Variants in RBM20 observed in about 807,000 individuals in gnomAD.
RBM20 encodes the protein RNA-binding protein 20.
In RBM20, 51 loss-of-function variants were observed where a neutral mutation model predicts 110.1. The ratio of observed to expected loss-of-function variants is 0.46; its 90% CI spans 0.37 to 0.59. RBM20 has a LOEUF of 0.59. RBM20 is among the 20% of genes least tolerant of loss of function. The probability of loss-of-function intolerance (pLI) is 0.00; values close to 1 mark genes in which losing one functional copy is unlikely to be tolerated. For synonymous variants in RBM20, 589 were observed against 618.2 expected (o/e 0.95, Z 0.70); for missense variants, 1,512 against 1,574.9 (o/e 0.96, Z 0.68).
chr10:110,789,060 A>G (rs909183553), intron 5 of RBM20, among the ~76,000 whole-genome samples: 4 of 152,210 alleles, frequency 2.6e-5, no homozygotes, highest in African/African-American at 9.6e-5. Context: ...AGCACTTTGT[A>G]TGTCTGATTC....
intron 1 of RBM20, among the ~76,000 whole-genome samples, chr10:110,714,407 T>C (rs1460682926): frequency 2.0e-5 from 3 of 152,172 alleles, no homozygotes; most frequent in African/African-American, 7.2e-5. Context: ...TCTGCAGTGG[T>C]TGTAGTCATA....
At chr10:110,674,013 T>A (rs181936553) in intron 1 of RBM20, among the ~76,000 whole-genome samples, 15 of 152,336 alleles carry the variant, frequency 9.8e-5, no homozygotes, top group African/African-American at 2.9e-4. Flanking sequence ...AAGGCCAGAC[T>A]TGAGGATATT....
chr10:110,765,368 T>C (rs1844066225), intron 1 of RBM20, among the ~76,000 whole-genome samples: 1 of 151,976 alleles, frequency 6.6e-6, no homozygotes, highest in African/African-American at 2.4e-5. Flanking sequence ...GGGAGTGCCG[T>C]GTTAAAATTC....
chr10:110,689,010 T>C (rs1339333330), intron 1 of RBM20, among the ~76,000 whole-genome samples: 1 of 152,194 alleles, frequency 6.6e-6, no homozygotes, highest in African/African-American at 2.4e-5. Context: ...TTTGTTTGTT[T>C]GCATGTATTT....
At chr10:110,800,342 G>A (rs1035452019) in intron 7 of RBM20, among the ~76,000 whole-genome samples, 8 of 152,140 alleles carry the variant, frequency 5.3e-5, no homozygotes, top group African/African-American at 1.9e-4. Context: ...TACGTCTTAA[G>A]CCTCATAGAA....
intron 13 of RBM20, chr10:110,835,341 T>A (rs1274074341): frequency 6.7e-4 from 3 of 4,460 alleles, no homozygotes; most frequent in Non-Finnish European, 1.7e-3. Context: ...TTTTTTTTCT[T>A]TTTTTTTTTT....
chr10:110,687,709 A>G (rs1301428803), intron 1 of RBM20, among the ~76,000 whole-genome samples: 2 of 152,206 alleles, frequency 1.3e-5, no homozygotes, highest in African/African-American at 2.4e-5. Context: ...TCACTTGACC[A>G]TTGTCCACCT....
intron 1 of RBM20, among the ~76,000 whole-genome samples, chr10:110,768,910 C>A (rs1379679422): frequency 2.0e-5 from 3 of 151,158 alleles, no homozygotes; most frequent in Admixed American, 1.3e-4. Flanking sequence ...GTGTTTGACC[C>A]TTTGTGGACT....
chr10:110,795,541 C>T (rs80282475), intron 5 of RBM20, among the ~76,000 whole-genome samples: 3,326 of 152,276 alleles, frequency 0.022, 121 homozygotes, highest in African/African-American at 0.075. Flanking sequence ...GAGGGCTTTT[C>T]ATGGTAGAAT....
rs1309444790 is a variant in RBM20 at position 110,755,190 on chromosome 10, T to C, written c.192-25611T>C. On this transcript the variant is annotated intron_variant, in intron 1 of 13. Coordinates refer to ENST00000369519, the MANE Select transcript of RBM20 (RefSeq NM_001134363.3). Reference sequence around the variant, plus strand: ...GAAGTGACATATTACTCCTGGTTCATCCTAATCCTGAGGGTGTGGCCCTTT... The same window carrying C: ...GAAGTGACATATTACTCCTGGTTCACCCTAATCCTGAGGGTGTGGCCCTTT... Among the ~76,000 whole-genome samples, 5 of 152,178 alleles carry C rather than the reference T, an allele frequency of 3.3e-5. No individual in the cohort carries two copies. The South Asian group carries it at 6.2e-4, about 19-fold the overall frequency.
intron 12 of RBM20, among the ~76,000 whole-genome samples, chr10:110,824,310 G>C (rs1198633802): frequency 6.6e-6 from 1 of 152,148 alleles, no homozygotes; most frequent in Non-Finnish European, 1.5e-5. Context: ...GTCTGCTATT[G>C]TTCATTGCTC....
intron 9 of RBM20, among the ~76,000 whole-genome samples, chr10:110,818,477 C>T (rs1400461120): frequency 4.5e-5 from 1 of 22,062 alleles, no homozygotes; most frequent in Non-Finnish European, 4.1e-4. Context: ...CTGCTTGCAA[C>T]AGTTGGCGTT....
Position 110,838,506 on chromosome 10 carries a change from C to A in RBM20, c.*2528C>A, listed in dbSNP as rs886046720. ...GGAATTGTGGGGGCAGTTCTTTGGC[C>A]TTCTTGCTGAACTTTGCTGGAAATA... On this transcript the variant is annotated 3_prime_UTR_variant, in exon 14 of 14. Transcript: ENST00000369519. 4.6e-5 allele frequency: 7 copies of A among 152,168 alleles called. No individual in the cohort carries two copies. Among genetic ancestry groups the A allele is most frequent in the Non-Finnish European group, 8.8e-5 (6 of 68,044 alleles). 9.4% of individuals were successfully genotyped at this position (152,168 alleles called of 1,614,324 possible). A position where few individuals can be genotyped will look rare whatever the true frequency, so the allele number is the denominator to read the frequency against.
intron 1 of RBM20, among the ~76,000 whole-genome samples, chr10:110,765,520 G>A (rs775775678): frequency 6.6e-6 from 1 of 151,978 alleles, no homozygotes; most frequent in Non-Finnish European, 1.5e-5. Context: ...TTTCATTGTC[G>A]CCAAGCAAGC....
At chr10:110,807,856 C>T (rs78010021) in intron 7 of RBM20, among the ~76,000 whole-genome samples, 2,128 of 152,354 alleles carry the variant, frequency 0.014, 40 homozygotes, top group South Asian at 0.04. Context: ...TTATGCCAGT[C>T]TGGGGGCACA....
At chr10:110,722,504 T>A (rs1843520319) in intron 1 of RBM20, among the ~76,000 whole-genome samples, 1 of 152,244 alleles carries the variant, frequency 6.6e-6, no homozygotes, top group East Asian at 1.9e-4. Flanking sequence ...TGTAATGACA[T>A]GTATCTACCA....
rs954402603 is a variant in RBM20, at chr10:110,837,522, T to C, written c.*1544T>C. 1 of 152,256 alleles carries C rather than the reference T, an allele frequency of 6.6e-6. No individual in the cohort carries two copies. The highest frequency in any genetic ancestry group is 2.4e-5 in the African/African-American group (1 of 41,458). The allele number at this position is 152,256 out of a possible 1,614,324, so 9.4% of individuals were successfully genotyped here. A position where few individuals can be genotyped will look rare whatever the true frequency, so the allele number is the denominator to read the frequency against. On this transcript the variant is annotated 3_prime_UTR_variant, in exon 14 of 14. Transcript: ENST00000369519. ...AGGCAGTTCCTGTTGTTTCTGTTCC[T>C]GACCTTGGGCAGGCAGACTGAGAAG... is the stretch of plus-strand genomic sequence containing the variant.
intron 1 of RBM20, among the ~76,000 whole-genome samples, chr10:110,730,917 C>T (rs575564187): frequency 1.3e-5 from 2 of 152,324 alleles, no homozygotes; most frequent in East Asian, 1.9e-4. Flanking sequence ...TCAAGCCGCC[C>T]CCCATCCTGC....
At chr10:110,673,610 A>C (rs976463559) in intron 1 of RBM20, among the ~76,000 whole-genome samples, 6 of 152,164 alleles carry the variant, frequency 3.9e-5, no homozygotes, top group African/African-American at 1.4e-4. Flanking sequence ...GAATTATGAG[A>C]ATACTCTTAA....
Sources: gnomAD v4.1 joint callset for allele counts (sites outside exome capture counted in the v4.1 genomes callset) on GRCh38, gnomAD v4.1.1 for gene constraint, MANE v1.5 for transcripts, NCBI Gene and HGNC (gene_info 2026-07-23, HGNC 2026-07-21) for gene names.